PAPLN: variants seen among roughly 807,000 people sequenced by gnomAD.
The protein encoded by PAPLN is papilin.
In PAPLN, 146 loss-of-function variants were observed where a neutral mutation model predicts 159.0. The observed-to-expected ratio is 0.92, with a 90% CI of 0.80 to 1.05. The LOEUF is 1.05. Ranked by LOEUF, PAPLN falls within the 50% of genes least tolerant of loss-of-function variation. PAPLN has a pLI of 0.00. For missense variants in PAPLN, 1,720 were observed against 1,743.9 expected (o/e 0.99, Z 0.24); for synonymous variants, 734 against 702.9 (o/e 1.04, Z -0.70).
In PAPLN at chr14:73,252,775, G is replaced by T. The variant is rs750526116; in HGVS notation, c.1094G>T (p.Arg365Leu). Reference protein sequence around the residue: ...CNLHPCPETKRWKAGPWAPCS... With the variant: ...CNLHPCPETKLWKAGPWAPCS... ...CTTCACCCTTGCCCGGAGACCAAGCGGTGAGACCTTGCCAGCCCCTCTACC... is the reference window on the plus strand; with the variant it reads ...CTTCACCCTTGCCCGGAGACCAAGCTGTGAGACCTTGCCAGCCCCTCTACC... Residue 365 changes from arginine (R) to leucine (L), a missense_variant and splice_region_variant, in exon 11 of 27, where the codon CGC becomes CTC. Coordinates refer to ENST00000644200, the MANE Select transcript of PAPLN (RefSeq NM_001365906.3). 3.7e-6 allele frequency: 6 copies of T among 1,613,286 alleles called. No homozygotes were observed. Among genetic ancestry groups the T allele is most frequent in the Non-Finnish European group, 5.1e-6 (6 of 1,179,978 alleles).
chr14:73,256,497 A>AC (rs1382315430), intron 14 of PAPLN, among the ~76,000 whole-genome samples: 1 of 140,506 alleles, frequency 7.1e-6, no homozygotes, highest in East Asian at 2.1e-4. Flanking sequence ...ACGCCATTGA[A>AC]CTCCAACCTG....
At chr14:73,238,926 C>G (rs942989708) in intron 1 of PAPLN, among the ~76,000 whole-genome samples, 1 of 152,196 alleles carries the variant, frequency 6.6e-6, no homozygotes, top group African/African-American at 2.4e-5. Context: ...ATGTTTTGTA[C>G]TGAAGGGCGC....
At chr14:73,269,147 C>T (rs1031237889) in intron 26 of PAPLN, among the ~76,000 whole-genome samples, 3 of 152,190 alleles carry the variant, frequency 2.0e-5, no homozygotes, top group Admixed American at 1.3e-4. Context: ...GGCCGTTTGA[C>T]CATATAACCC....
chr14:73,257,753 C>CTTTTTTTTTTTTTTTTTTTTTTTT (rs562890068), intron 14 of PAPLN, among the ~76,000 whole-genome samples: 2 of 91,256 alleles, frequency 2.2e-5, no homozygotes, highest in Non-Finnish European at 4.2e-5. Flanking sequence ...TCTCTTTCTT[C>CTTTTTTTTTTTTTTTTTTTTTTTT]TTTTTTTTTT....
chr14:73,256,532 CAAAAAA>C (rs57667060), intron 14 of PAPLN, among the ~76,000 whole-genome samples: 2 of 92,758 alleles, frequency 2.2e-5, no homozygotes, highest in South Asian at 4.1e-4. Flanking sequence ...GACTCTGTCT[CAAAAAA>C]AAAAAAAAAA....
chr14:73,262,445 C>T lies in PAPLN; in HGVS notation c.2341C>T (p.Arg781Cys), dbSNP rs150310890. ...CGTTGCCTCTGTGGGCCAATGTAAC[C>T]GCTTCTGGTATGGCGGCTGCCATGG... ...YFVASVGQCN[R>C]FWYGGCHGNA... Residue 781 changes from arginine (R) to cysteine (C), a missense_variant, in exon 19 of 27, where the codon CGC becomes TGC. By Grantham distance (180) the Arg-to-Cys change is radical. Transcript: ENST00000644200. 5.1e-4 allele frequency: 823 copies of T among 1,613,710 alleles called. 6 individuals are homozygous for T. The highest frequency in any genetic ancestry group is 4.8e-4 in the Admixed American group (29 of 59,960).
At position 73,261,974 on chromosome 14, in the gene PAPLN, C is replaced by T. The variant is rs182245244; in HGVS notation, c.2246-376C>T. On this transcript the variant is annotated intron_variant, in intron 18 of 26. Transcript: ENST00000644200. ...TTCACACGCCCTGGGTGGCTCAGGT[C>T]TGTGTCCCTATCACAAGCTAAGCAG... is the stretch of plus-strand genomic sequence containing the variant. 4 of 224,014 alleles carry T rather than the reference C, an allele frequency of 1.8e-5. No homozygotes were observed. The East Asian group carries it at 3.5e-4, about 20-fold the overall frequency. The allele number at this position is 224,014 out of a possible 1,614,324, so 13.9% of individuals were successfully genotyped here.
intron 26 of PAPLN, among the ~76,000 whole-genome samples, chr14:73,271,934 C>A (rs1227834848): frequency 6.6e-6 from 1 of 152,210 alleles, no homozygotes; most frequent in South Asian, 2.1e-4. Flanking sequence ...TTCCTATTAC[C>A]TTGTCTAATA....
At chr14:73,238,286 C>T (rs893737631) in intron 1 of PAPLN, among the ~76,000 whole-genome samples, 3 of 152,308 alleles carry the variant, frequency 2.0e-5, no homozygotes, top group Non-Finnish European at 4.4e-5. Context: ...TCCCCGGGAA[C>T]AACACGTTGA....
chr14:73,253,346 G>C (rs768913108), intron 11 of PAPLN: 50 of 943,206 alleles, frequency 5.3e-5, no homozygotes, highest in Non-Finnish European at 7.4e-5. Context: ...CCACAGGGCT[G>C]CTCTTTCCTC....
chr14:73,274,458 G>A lies in PAPLN; in HGVS notation c.*1794G>A, dbSNP rs1224123999. The A allele has an allele frequency of 2.6e-5, 4 of 152,206 alleles. No individual in the cohort carries two copies. Among genetic ancestry groups the A allele is most frequent in the African/African-American group, 7.2e-5 (3 of 41,454 alleles). The allele number at this position is 152,206 out of a possible 1,614,324, so 9.4% of individuals were successfully genotyped here. A position where few individuals can be genotyped will look rare whatever the true frequency, so the allele number is the denominator to read the frequency against. On this transcript the variant is annotated 3_prime_UTR_variant, in exon 27 of 27. Coordinates refer to ENST00000644200, the MANE Select transcript of PAPLN (RefSeq NM_001365906.3). Reference sequence around the variant, plus strand: ...CTGGAAAAGGGACAAACCACATCACGGGTGAGTGATACTTCTCAGTCTTCT... The same window carrying A: ...CTGGAAAAGGGACAAACCACATCACAGGTGAGTGATACTTCTCAGTCTTCT...
intron 18 of PAPLN, 99 bp from the exon 19 acceptor site, chr14:73,262,250 TG>T: frequency 8.4e-7 from 1 of 1,191,942 alleles, no homozygotes. Context: ...GCTTTATAAG[TG>T]GGGAAGGGCC....
intron 20 of PAPLN, 144 bp downstream of exon 20, chr14:73,263,926 CT>C (rs1305268010): frequency 8.9e-6 from 11 of 1,236,162 alleles, no homozygotes; most frequent in South Asian, 6.6e-5. Flanking sequence ...GACAGCCCCC[CT>C]ACCCCCTCTG....
intron 6 of PAPLN, 145 bp downstream of exon 6, chr14:73,250,259 G>C: frequency 1.7e-6 from 2 of 1,169,950 alleles, no homozygotes; most frequent in Non-Finnish European, 2.3e-6. Flanking sequence ...CCAGCTCCTA[G>C]GGTACCTTGC....
intron 15 of PAPLN, 42 bp from the exon 16 acceptor site, chr14:73,259,227 G>A (rs1238435216): frequency 6.5e-7 from 1 of 1,529,122 alleles, no homozygotes; most frequent in African/African-American, 1.4e-5. Context: ...GAGGGGAGGA[G>A]CCAGGTGGAC....
Position 73,265,467 on chromosome 14 carries a change from A to G in PAPLN, c.3223A>G (p.Ile1075Val), listed in dbSNP as rs769194765. Residue 1075 changes from isoleucine to valine, a missense_variant, in exon 23 of 27, where the codon ATC becomes GTC. Transcript: ENST00000644200. This position sits in a 1 kb window ranked among gnomAD's most constrained non-coding sequence, Gnocchi z 4.1. ...TGCCGAAGGCTTCCCGCCCCCAGCC[A>G]TCGAGTGGCAGAGAGATGGGCAGCC... ...CRAEGFPPPA[I>V]EWQRDGQPVS... 45 of 1,613,918 alleles carry G rather than the reference A, an allele frequency of 2.8e-5. No individual in the cohort carries two copies. The highest frequency in any genetic ancestry group is 3.7e-5 in the Non-Finnish European group (44 of 1,180,022).
intron 5 of PAPLN, 114 bp downstream of exon 5, chr14:73,246,289 T>C (rs1884313691): frequency 1.1e-6 from 1 of 920,882 alleles, no homozygotes; most frequent in Admixed American, 4.0e-5. Context: ...TTAGAGACAG[T>C]CTCACTGTGT....
At chr14:73,258,179 G>A (rs1886143399) in intron 14 of PAPLN, among the ~76,000 whole-genome samples, 1 of 152,122 alleles carries the variant, frequency 6.6e-6, no homozygotes. Flanking sequence ...ACAGGTTGGT[G>A]GTATTTAGCG....
rs904163570 is a variant in PAPLN, at chr14:73,245,411, T to G, written c.171-225T>G. The G allele has an allele frequency of 5.3e-6, 3 of 564,768 alleles. No homozygotes were observed. Among genetic ancestry groups the G allele is most frequent in the Non-Finnish European group, 9.5e-6 (3 of 316,076 alleles). 35.0% of individuals were successfully genotyped at this position (564,768 alleles called of 1,614,324 possible). ...TGCAGTGGAGTGGTCCCGCCTTAAA[T>G]CCAAACTATAGGGTGGGTAGGGCTC... On this transcript the variant is annotated intron_variant, in intron 3 of 26. Transcript: ENST00000644200. This position sits in a 1 kb window ranked among gnomAD's most constrained non-coding sequence, Gnocchi z 4.2.
Sources: allele counts gnomAD v4.1 joint callset (sites outside exome capture counted in the v4.1 genomes callset), GRCh38; gene constraint gnomAD v4.1.1; non-coding constraint Gnocchi (gnomAD v3.1); transcripts MANE v1.5; gene names NCBI Gene and HGNC (gene_info 2026-07-23, HGNC 2026-07-21).